The following SFRP4 variants were observed in gnomAD, a reference collection of about 807,000 sequenced individuals.
SFRP4 encodes secreted frizzled-related protein 4.
A neutral mutation model predicts 36.3 loss-of-function variants in SFRP4; 25 were observed. The observed-to-expected ratio is 0.69, with a 90% CI of 0.50 to 0.96. SFRP4 has a LOEUF of 0.96. Ranked by LOEUF, SFRP4 falls within the 40% of genes least tolerant of loss-of-function variation. The probability of loss-of-function intolerance (pLI) is 0.00; values close to 1 mark genes in which losing one functional copy is unlikely to be tolerated. For synonymous variants in SFRP4, 182 were observed against 168.8 expected (o/e 1.08, Z -0.60); for missense variants, 487 against 459.6 (o/e 1.06, Z -0.54).
intron 5 of SFRP4, among the ~76,000 whole-genome samples, chr7:37,909,017 A>G (rs1462591479): frequency 2.0e-5 from 3 of 152,160 alleles, no homozygotes; most frequent in African/African-American, 7.2e-5. Flanking sequence ...TTAAAAATTT[A>G]AAACCAATTA....
rs749861176 is a variant in SFRP4 at position 37,907,618 on chromosome 7, T to C, written c.902A>G (p.Lys301Arg). 1.2e-6 allele frequency: 2 copies of C among 1,613,884 alleles called. No homozygotes were observed. Among genetic ancestry groups the C allele is most frequent in the East Asian group, 2.2e-5 (1 of 44,888 alleles). ...LQEQRRTVQD[K>R]KKTAGRTSRS... ...ACTGGTGCGCCCGGCTGTTTTCTTC[T>C]TGTCCTGAACTGTTCTCCGCTGTTC... The change falls in exon 6 of 6, where the codon AAG becomes AGG. Residue 301 changes from lysine (K) to arginine (R), a missense_variant. By Grantham distance (26) the Lys-to-Arg change is conservative. Coordinates refer to ENST00000436072, the MANE Select transcript of SFRP4 (RefSeq NM_003014.4).
intron 4 of SFRP4, among the ~76,000 whole-genome samples, chr7:37,911,372 G>T (rs1785482674): frequency 1.3e-5 from 2 of 152,204 alleles, no homozygotes; most frequent in South Asian, 2.1e-4. Flanking sequence ...GGGATGCCTT[G>T]TTATGTAAAA....
At position 37,916,736 on chromosome 7, in the gene SFRP4, G is replaced by C. The variant is rs1248924557; in HGVS notation, c.-199C>G. ...CTCCGCCGTCTGGCACACAGGGCAC[G>C]AGCAGCGCCAGCTCTCAGCCTTCGG... On this transcript the variant is annotated 5_prime_UTR_variant, in exon 1 of 6. Transcript: ENST00000436072. This position sits in a 1 kb window ranked among gnomAD's most constrained non-coding sequence, Gnocchi z 4.1. 2 of 778,926 alleles carry C rather than the reference G, an allele frequency of 2.6e-6. No individual in the cohort carries two copies. Among genetic ancestry groups the C allele is most frequent in the South Asian group, 1.9e-5 (1 of 54,010 alleles). 48.3% of individuals were successfully genotyped at this position (778,926 alleles called of 1,614,324 possible). A position where few individuals can be genotyped will look rare whatever the true frequency, so the allele number is the denominator to read the frequency against.
chr7:37,914,356 A>G lies in SFRP4; in HGVS notation c.526+17T>C. On this transcript the variant is annotated intron_variant, in intron 2 of 5. Transcript: ENST00000436072. Reference sequence around the variant, plus strand: ...GAGAGGAGAAGTAGAGGGAACGTCCATGAAGAAAGAACTCACCGGGGCTTA... The same window carrying G: ...GAGAGGAGAAGTAGAGGGAACGTCCGTGAAGAAAGAACTCACCGGGGCTTA... 1.2e-6 allele frequency: 2 copies of G among 1,611,972 alleles called. No individual in the cohort carries two copies. The highest frequency in any genetic ancestry group is 2.2e-5 in the East Asian group (1 of 44,866).
Position 37,909,698 on chromosome 7 carries a change from T to G in SFRP4, c.792-18A>C. ...GCATCATCCTGAAAAAAAATTATCT[T>G]AGTAAACAGATTTTTATTACAAAAG... On this transcript the variant is annotated intron_variant, in intron 4 of 5. Transcript: ENST00000436072. 6.9e-7 allele frequency: 1 copy of G among 1,455,838 alleles called. No individual in the cohort carries two copies. The highest frequency in any genetic ancestry group is 1.9e-5 in the Admixed American group (1 of 53,322). The allele number at this position is 1,455,838 out of a possible 1,614,324, so 90.2% of individuals were successfully genotyped here. A position where few individuals can be genotyped will look rare whatever the true frequency, so the allele number is the denominator to read the frequency against.
At chr7:37,912,399 C>G in intron 3 of SFRP4, 82 bp from the exon 4 acceptor site, 2 of 1,123,588 alleles carry the variant, frequency 1.8e-6, no homozygotes, top group Non-Finnish European at 2.6e-6. Context: ...AACTTCTGAG[C>G]CTCTCTTAAA....
intron 4 of SFRP4, among the ~76,000 whole-genome samples, chr7:37,910,484 T>C (rs1054171975): frequency 6.6e-6 from 1 of 152,006 alleles, no homozygotes; most frequent in Non-Finnish European, 1.5e-5. Context: ...TCTATCATTA[T>C]TTGTGATTTT....
At chr7:37,911,074 A>C (rs146590825) in intron 4 of SFRP4, among the ~76,000 whole-genome samples, 5 of 152,330 alleles carry the variant, frequency 3.3e-5, no homozygotes, top group Middle Eastern at 3.4e-3. Context: ...ATGACCAACA[A>C]CCTGGTATCC....
chr7:37,908,887 T>C (rs1364960797), intron 5 of SFRP4, among the ~76,000 whole-genome samples: 1 of 152,214 alleles, frequency 6.6e-6, no homozygotes, highest in Admixed American at 6.5e-5. Flanking sequence ...TACTTTTCTC[T>C]TGCTTGGATC....
rs760229761 is a variant in SFRP4 at position 37,909,624 on chromosome 7, C to T, written c.848G>A (p.Arg283Lys). Residue 283 changes from arginine to lysine, a missense_variant, in exon 5 of 6, where the codon AGA becomes AAA. Physicochemically the swap from Arg to Lys is conservative, Grantham distance 26. Transcript: ENST00000436072. ...VEKWRDQLSKRSIQWEERLQE... is the reference protein window; with the variant it reads ...VEKWRDQLSKKSIQWEERLQE... ...ATTGTTCATGATACTTACTATGGAT[C>T]TTTTACTAAGCTGATCTCTCCATTT... is the stretch of plus-strand genomic sequence containing the variant. The T allele has an allele frequency of 6.4e-7, 1 of 1,562,754 alleles. No homozygotes were observed. The highest frequency in any genetic ancestry group is 1.2e-5 in the South Asian group (1 of 82,382).
chr7:37,916,083 ACGG>A lies in SFRP4; in HGVS notation c.445+7_445+9del. 1 of 1,603,808 alleles carries A rather than the reference ACGG, an allele frequency of 6.2e-7. No individual in the cohort carries two copies. Among genetic ancestry groups the A allele is most frequent in the Non-Finnish European group, 8.5e-7 (1 of 1,172,662 alleles). On this transcript the variant is annotated splice_region_variant and intron_variant, in intron 1 of 5. Coordinates refer to ENST00000436072, the MANE Select transcript of SFRP4 (RefSeq NM_003014.4). The surrounding 1 kb of genome is among the most constrained non-coding windows in gnomAD (Gnocchi z 4.1). ...CTCCTCGCCTCCCTCCATCCTTCCT[ACGG>A]CCTCACCCTCCGGGAGGTCCGTGAC...
intron 4 of SFRP4, among the ~76,000 whole-genome samples, chr7:37,911,495 A>G (rs1450857): frequency 0.22 from 32,981 of 152,116 alleles, 3,954 homozygotes; most frequent in South Asian, 0.4. Flanking sequence ...TCCAAAAAAA[A>G]TAAGAAAGAA....
At chr7:37,914,973 G>A (rs1005740253) in intron 1 of SFRP4, among the ~76,000 whole-genome samples, 29 of 152,118 alleles carry the variant, frequency 1.9e-4, no homozygotes, top group African/African-American at 7.0e-4. Context: ...ATCCTCTGGG[G>A]GAATATTTGC....
chr7:37,909,755 A>T, intron 4 of SFRP4, 75 bp from the exon 5 acceptor site: 2 of 824,094 alleles, frequency 2.4e-6, no homozygotes, highest in Non-Finnish European at 4.0e-6. Context: ...ATTGTAAAAA[A>T]ATTATTCAAT....
chr7:37,908,363 GCTTGGCTAGAGT>G (rs1377824754), intron 5 of SFRP4, among the ~76,000 whole-genome samples: 3 of 152,214 alleles, frequency 2.0e-5, no homozygotes, highest in Non-Finnish European at 2.9e-5. Flanking sequence ...AGATGTGCCT[GCTTGGCTAGAGT>G]CTATTTCATT....
At chr7:37,912,828 A>AT (rs777806818) in intron 3 of SFRP4, among the ~76,000 whole-genome samples, 9 of 152,186 alleles carry the variant, frequency 5.9e-5, no homozygotes, top group Non-Finnish European at 5.9e-5. Context: ...GACAAAGTAG[A>AT]CCCATGGTGA....
Position 37,912,152 on chromosome 7 carries a change from T to C in SFRP4, c.758A>G (p.Asp253Gly). Residue 253 changes from aspartate to glycine, a missense_variant, in exon 4 of 6, where the codon GAT becomes GGT. Coordinates refer to ENST00000436072, the MANE Select transcript of SFRP4 (RefSeq NM_003014.4). ...CCACTCGTAACACATGATGAGAACA[T>C]CTTGATGGGGCAGGATGTGTGGACA... ...CQCPHILPHQ[D>G]VLIMCYEWRS... 1 of 1,614,170 alleles carries C rather than the reference T, an allele frequency of 6.2e-7. No individual in the cohort carries two copies. The highest frequency in any genetic ancestry group is 8.5e-7 in the Non-Finnish European group (1 of 1,180,010).
intron 3 of SFRP4, 24 bp from the exon 4 acceptor site, chr7:37,912,341 GTGT>G: frequency 3.7e-6 from 6 of 1,601,026 alleles, no homozygotes; most frequent in African/African-American, 2.7e-5. Flanking sequence ...ATAGATAAAA[GTGT>G]TGTTGAAGGT....
In SFRP4 at chr7:37,916,286, A is replaced by T; in HGVS notation, c.252T>A (p.Ile84=). ...GGTCGTGCAGGAACTCCAGGGTGCA[A>T]ATGGGCGCGTACATGGCACAGAGGA... ...RFFLCAMYAP[I]CTLEFLHDPI... Residue 84 remains isoleucine (I), a synonymous_variant, in exon 1 of 6, where the codon ATT becomes ATA. Coordinates refer to ENST00000436072, the MANE Select transcript of SFRP4 (RefSeq NM_003014.4). This position sits in a 1 kb window ranked among gnomAD's most constrained non-coding sequence, Gnocchi z 4.1. 1 of 1,614,108 alleles carries T rather than the reference A, an allele frequency of 6.2e-7. No individual in the cohort carries two copies. Among genetic ancestry groups the T allele is most frequent in the South Asian group, 1.1e-5 (1 of 91,082 alleles).
Sources: gnomAD v4.1 joint callset for allele counts (sites outside exome capture counted in the v4.1 genomes callset) on GRCh38, gnomAD v4.1.1 for gene constraint, Gnocchi (gnomAD v3.1) non-coding constraint, MANE v1.5 for transcripts, NCBI Gene and HGNC (gene_info 2026-07-23, HGNC 2026-07-21) for gene names.